The following SUGCT variants were observed in gnomAD, a reference collection of about 807,000 sequenced individuals.
SUGCT encodes succinyl-CoA:glutarate CoA-transferase.
A neutral mutation model predicts 55.0 loss-of-function variants in SUGCT; 41 were observed. The observed-to-expected ratio is 0.74, with a 90% CI of 0.58 to 0.97. The LOEUF (loss-of-function observed/expected upper bound fraction) is 0.97. Among genes scored for constraint, SUGCT ranks in the 50% least tolerant of loss-of-function variants. SUGCT has a pLI of 0.00. For missense variants in SUGCT, 568 were observed against 547.8 expected (o/e 1.04, Z -0.37); for synonymous variants, 187 against 200.4 (o/e 0.93, Z 0.56).
At position 40,640,718 on chromosome 7, in the gene SUGCT, T is replaced by A. The variant is rs531353408; in HGVS notation, c.1090-108716T>A. ...CCACAAAATTCTTCTCATCAAGTAG[T>A]ACCGAAACTGTTTTTGTTAGTTGTA... On this transcript the variant is annotated intron_variant, in intron 12 of 13. Transcript: ENST00000335693. 2.6e-5 allele frequency among the ~76,000 whole-genome samples: 4 copies of A among 152,352 alleles called. No individual in the cohort carries two copies. The South Asian group carries it at 8.3e-4, about 32-fold the overall frequency.
the SUGCT span, among the ~76,000 whole-genome samples, chr7:40,988,852 C>A: frequency 6.6e-6 from 1 of 151,556 alleles, no homozygotes; most frequent in Non-Finnish European, 1.5e-5. Flanking sequence ...TATGGCTTTG[C>A]CAATAAATAA....
chr7:40,396,142 T>G (rs1178370636), intron 9 of SUGCT, among the ~76,000 whole-genome samples: 2 of 152,160 alleles, frequency 1.3e-5, no homozygotes, highest in African/African-American at 4.8e-5. Flanking sequence ...TTTTTGCATT[T>G]TTGAGGTTCA....
At chr7:41,030,197 A>T in the SUGCT span, among the ~76,000 whole-genome samples, 2 of 152,172 alleles carry the variant, frequency 1.3e-5, no homozygotes, top group African/African-American at 4.8e-5. Flanking sequence ...GTTATGAATA[A>T]AACTGCCATG....
At chr7:40,557,957 A>G (rs1795641654) in intron 12 of SUGCT, among the ~76,000 whole-genome samples, 1 of 152,096 alleles carries the variant, frequency 6.6e-6, no homozygotes, top group Non-Finnish European at 1.5e-5. Flanking sequence ...TCCTGGATAG[A>G]CATTTTTCCA....
At chr7:40,834,588 A>G (rs1247170248) in intron 13 of SUGCT, among the ~76,000 whole-genome samples, 7 of 152,182 alleles carry the variant, frequency 4.6e-5, no homozygotes, top group Non-Finnish European at 1.0e-4. Context: ...TAATATCTAG[A>G]CTAAGGAAAA....
chr7:40,678,377 A>G (rs1784098476), intron 12 of SUGCT, among the ~76,000 whole-genome samples: 1 of 152,186 alleles, frequency 6.6e-6, no homozygotes, highest in African/African-American at 2.4e-5. Flanking sequence ...GAGTGAATAT[A>G]TGATGAAGGA....
chr7:40,898,484 G>GGGGGGGC, the SUGCT span, among the ~76,000 whole-genome samples: 5 of 106,140 alleles, frequency 4.7e-5, 1 homozygote, highest in African/African-American at 1.3e-4. Flanking sequence ...GGAGGTCGGG[G>GGGGGGGC]GGGGGGGGGG....
chr7:40,988,260 T>C, the SUGCT span, among the ~76,000 whole-genome samples: 1 of 148,620 alleles, frequency 6.7e-6, no homozygotes, highest in East Asian at 2.0e-4. Context: ...TTAATTTAAA[T>C]GTGTTTAGAA....
chr7:41,004,800 T>C, the SUGCT span, among the ~76,000 whole-genome samples: 3 of 58,344 alleles, frequency 5.1e-5, no homozygotes, highest in East Asian at 1.0e-3. Flanking sequence ...ACATTACCCT[T>C]GTGGAAAAAA....
At chr7:41,023,643 C>T in the SUGCT span, among the ~76,000 whole-genome samples, 1 of 152,108 alleles carries the variant, frequency 6.6e-6, no homozygotes, top group African/African-American at 2.4e-5. Context: ...TTCCTACAAT[C>T]CCATTTCTTT....
intron 10 of SUGCT, among the ~76,000 whole-genome samples, chr7:40,450,049 C>T (rs1789099553): frequency 6.6e-6 from 1 of 152,174 alleles, no homozygotes; most frequent in Non-Finnish European, 1.5e-5. Flanking sequence ...CTGCCTCAGC[C>T]TCCAGAGGAG....
chr7:40,514,082 G>T (rs1793098059), intron 12 of SUGCT, among the ~76,000 whole-genome samples: 1 of 151,890 alleles, frequency 6.6e-6, no homozygotes, highest in African/African-American at 2.4e-5. Flanking sequence ...GAGTCACCGT[G>T]CCCGGCATCA....
chr7:40,823,022 CCA>C (rs753835358), intron 13 of SUGCT, among the ~76,000 whole-genome samples: 23 of 152,102 alleles, frequency 1.5e-4, no homozygotes, highest in Non-Finnish European at 5.9e-5. Flanking sequence ...AAGGAAAAAG[CCA>C]CAAGCATGCC....
At chr7:40,615,060 G>GA (rs796707326) in intron 12 of SUGCT, among the ~76,000 whole-genome samples, 251 of 90,052 alleles carry the variant, frequency 2.8e-3, no homozygotes, top group African/African-American at 7.9e-3. Flanking sequence ...CATCTCAAAA[G>GA]AAAAAAAAAA....
chr7:40,550,209 A>G (rs1241395722), intron 12 of SUGCT, among the ~76,000 whole-genome samples: 1 of 152,226 alleles, frequency 6.6e-6, no homozygotes, highest in Non-Finnish European at 1.5e-5. Context: ...TCAAATTTAA[A>G]TCCTCTTTGG....
chr7:40,826,966 A>G (rs1470480222), intron 13 of SUGCT, among the ~76,000 whole-genome samples: 1 of 152,182 alleles, frequency 6.6e-6, no homozygotes, highest in Non-Finnish European at 1.5e-5. Context: ...AACTGGGTGC[A>G]AGTTTGCTTT....
At chr7:40,806,559 C>T (rs1298097565) in intron 13 of SUGCT, among the ~76,000 whole-genome samples, 1 of 151,982 alleles carries the variant, frequency 6.6e-6, no homozygotes, top group Admixed American at 6.6e-5. Flanking sequence ...TGTCTTATAC[C>T]CATCCTTGGT....
intron 9 of SUGCT, among the ~76,000 whole-genome samples, chr7:40,448,214 T>TTCCATCCCTCCC (rs1788954327): frequency 9.9e-6 from 1 of 100,794 alleles, no homozygotes; most frequent in Non-Finnish European, 2.0e-5. Flanking sequence ...CCTCTCCCAG[T>TTCCATCCCTCCC]TCCCTCCCTC....
At chr7:40,982,405 G>C in the SUGCT span, among the ~76,000 whole-genome samples, 1 of 152,250 alleles carries the variant, frequency 6.6e-6, no homozygotes, top group East Asian at 1.9e-4. Flanking sequence ...TAGGGTTAGG[G>C]TTAGCATTAC....
Sources: gnomAD v4.1 joint callset for allele counts (sites outside exome capture counted in the v4.1 genomes callset) on GRCh38, gnomAD v4.1.1 for gene constraint, MANE v1.5 for transcripts, NCBI Gene and HGNC (gene_info 2026-07-23, HGNC 2026-07-21) for gene names.